Variants in PDE3A observed in about 807,000 individuals in gnomAD.
PDE3A encodes the protein phosphodiesterase 3A.
In PDE3A, 43 loss-of-function variants were observed where a neutral mutation model predicts 98.3. The ratio of observed to expected loss-of-function variants is 0.44; its 90% CI spans 0.34 to 0.56. The LOEUF is 0.56. Ranked by LOEUF, PDE3A falls within the 20% of genes least tolerant of loss-of-function variation. The pLI is 0.01. For synonymous variants in PDE3A, 663 were observed against 567.9 expected, an observed-to-expected ratio of 1.17 and a Z score of -2.38; for missense variants, 1,427 against 1,440.7, an observed-to-expected ratio of 0.99 and a Z score of 0.15.
At position 20,482,506 on chromosome 12, in the gene PDE3A, A is replaced by G. The variant is rs990931874; in HGVS notation, c.961-74154A>G. On this transcript the variant is annotated intron_variant, in intron 1 of 15. Coordinates refer to ENST00000359062, the MANE Select transcript of PDE3A (RefSeq NM_000921.5). ...CTGGCACACAAAGTTGAACAGTGCAAAACATTGAAGCCCAGCTATACATAA... is the reference window on the plus strand; with the variant it reads ...CTGGCACACAAAGTTGAACAGTGCAGAACATTGAAGCCCAGCTATACATAA... Among the ~76,000 whole-genome samples, 2 of 152,226 alleles carry G rather than the reference A, an allele frequency of 1.3e-5. 1 individual carries two copies. Among genetic ancestry groups the G allele is most frequent in the South Asian group, 4.1e-4 (2 of 4,826 alleles).
At chr12:20,609,467 T>G (rs1344585857) in intron 2 of PDE3A, among the ~76,000 whole-genome samples, 2 of 151,974 alleles carry the variant, frequency 1.3e-5, no homozygotes, top group Non-Finnish European at 2.9e-5. Flanking sequence ...TGTTAAAATA[T>G]TTATACTACC....
At chr12:20,585,031 A>G (rs114374880) in intron 2 of PDE3A, among the ~76,000 whole-genome samples, 4,765 of 152,318 alleles carry the variant, frequency 0.031, 193 homozygotes, top group African/African-American at 0.098. Context: ...TAAAAGTACA[A>G]ATCTACTAAT....
Position 20,469,240 on chromosome 12 carries a change from A to T in PDE3A, c.961-87420A>T, listed in dbSNP as rs537146252. On this transcript the variant is annotated intron_variant, in intron 1 of 15. Transcript: ENST00000359062. ...TAACACAGAATGACTGATATTTTTC[A>T]AATTTTCCTAGCCACCGTAATAATG... is the stretch of plus-strand genomic sequence containing the variant. Among the ~76,000 whole-genome samples the T allele has an allele frequency of 4.3e-4, 66 of 152,290 alleles. No individual in the cohort carries two copies. The South Asian group carries it at 0.013, about 31-fold the overall frequency.
At chr12:20,449,191 C>A (rs1591944306) in intron 1 of PDE3A, among the ~76,000 whole-genome samples, 1 of 152,316 alleles carries the variant, frequency 6.6e-6, no homozygotes, top group South Asian at 2.1e-4. Context: ...AAATTGTCCC[C>A]TAGCAAGAGA....
intron 1 of PDE3A, among the ~76,000 whole-genome samples, chr12:20,533,732 C>CACCCG (rs1565580135): frequency 6.6e-6 from 1 of 150,470 alleles, no homozygotes; most frequent in Non-Finnish European, 1.5e-5. Context: ...CGCCCCGCCC[C>CACCCG]CCTTTGGACT....
intron 1 of PDE3A, among the ~76,000 whole-genome samples, chr12:20,417,935 A>G (rs935081156): frequency 6.6e-6 from 1 of 152,240 alleles, no homozygotes; most frequent in Non-Finnish European, 1.5e-5. Flanking sequence ...ATTTAATTAT[A>G]CATTATTATC....
At chr12:20,620,398 T>C (rs1167004813) in intron 4 of PDE3A, among the ~76,000 whole-genome samples, 1 of 152,026 alleles carries the variant, frequency 6.6e-6, no homozygotes, top group Non-Finnish European at 1.5e-5. Context: ...ACCAAGCACT[T>C]TTCCCTTGGA....
intron 1 of PDE3A, among the ~76,000 whole-genome samples, chr12:20,423,524 C>T (rs1944554769): frequency 6.6e-6 from 1 of 152,134 alleles, no homozygotes; most frequent in Admixed American, 6.5e-5. Flanking sequence ...GGAAAACAGC[C>T]TCATGCATCT....
chr12:20,499,418 C>T (rs1014776127), intron 1 of PDE3A, among the ~76,000 whole-genome samples: 1 of 151,860 alleles, frequency 6.6e-6, no homozygotes, highest in Non-Finnish European at 1.5e-5. Flanking sequence ...GGATTGTGCC[C>T]GAGGTTGTTC....
At chr12:20,670,143 G>A (rs1043627362) in intron 15 of PDE3A, among the ~76,000 whole-genome samples, 3 of 150,696 alleles carry the variant, frequency 2.0e-5, no homozygotes, top group African/African-American at 7.4e-5. Context: ...AACAAGAAGA[G>A]CTAACTATCC....
At chr12:20,625,292 G>A (rs931076486) in intron 5 of PDE3A, among the ~76,000 whole-genome samples, 1 of 152,140 alleles carries the variant, frequency 6.6e-6, no homozygotes, top group African/African-American at 2.4e-5. Context: ...ATGAGTCACT[G>A]ACATTGTGGA....
At chr12:20,637,920 C>T (rs907361603) in intron 9 of PDE3A, among the ~76,000 whole-genome samples, 2 of 152,068 alleles carry the variant, frequency 1.3e-5, no homozygotes, top group Admixed American at 6.6e-5. Context: ...GAATAGCTAT[C>T]GAAATACACA....
At chr12:20,446,572 T>C in intron 1 of PDE3A, among the ~76,000 whole-genome samples, 1 of 152,154 alleles carries the variant, frequency 6.6e-6, no homozygotes, top group African/African-American at 2.4e-5. Context: ...TACATCATCT[T>C]ATTCTCTTCT....
intron 1 of PDE3A, among the ~76,000 whole-genome samples, chr12:20,433,898 GT>G (rs1944738953): frequency 1.3e-5 from 2 of 151,822 alleles, no homozygotes; most frequent in Admixed American, 1.3e-4. Context: ...TGGTCCCAGT[GT>G]TTTAAGTATA....
In PDE3A at chr12:20,416,860, G is replaced by A. The variant is rs149855183; in HGVS notation, c.960+46616G>A. Reference sequence around the variant, plus strand: ...TTAGAAGGAACTTCCTTTAGGAACAGATACTTTGTATAGCTGTAAATTATT... The same window carrying A: ...TTAGAAGGAACTTCCTTTAGGAACAAATACTTTGTATAGCTGTAAATTATT... On this transcript the variant is annotated intron_variant, in intron 1 of 15. Transcript: ENST00000359062. 1.4e-3 allele frequency among the ~76,000 whole-genome samples: 220 copies of A among 152,228 alleles called. 1 individual carries two copies. The highest frequency in any genetic ancestry group is 4.9e-3 in the African/African-American group (205 of 41,566).
chr12:20,502,963 T>C (rs1946050177), intron 1 of PDE3A, among the ~76,000 whole-genome samples: 1 of 152,142 alleles, frequency 6.6e-6, no homozygotes, highest in African/African-American at 2.4e-5. Flanking sequence ...TCTAAGTCAT[T>C]TTCTTCGACT....
intron 1 of PDE3A, among the ~76,000 whole-genome samples, chr12:20,530,715 T>C (rs1295229369): frequency 2.0e-5 from 3 of 152,160 alleles, no homozygotes; most frequent in Non-Finnish European, 1.5e-5. Context: ...AATTAATTAG[T>C]AATTTAAAAA....
intron 5 of PDE3A, among the ~76,000 whole-genome samples, chr12:20,622,755 T>C (rs1944166866): frequency 6.6e-6 from 1 of 150,974 alleles, no homozygotes; most frequent in Non-Finnish European, 1.5e-5. Flanking sequence ...CCAAGACTCT[T>C]AAAGGGGTGC....
At chr12:20,419,979 TC>T (rs1232318349) in intron 1 of PDE3A, among the ~76,000 whole-genome samples, 3 of 152,094 alleles carry the variant, frequency 2.0e-5, no homozygotes, top group African/African-American at 7.2e-5. Context: ...CCTCAAGTGA[TC>T]CACCCACCTT....
Sources: allele counts gnomAD v4.1 joint callset (sites outside exome capture counted in the v4.1 genomes callset), GRCh38; gene constraint gnomAD v4.1.1; transcripts MANE v1.5; gene names NCBI Gene and HGNC (gene_info 2026-07-23, HGNC 2026-07-21).